The following BRF1 variants were observed in gnomAD, a reference collection of about 807,000 sequenced individuals.
The protein encoded by BRF1 is transcription factor IIIB 90 kDa subunit.
BRF1 carries 59 observed loss-of-function variants against 81.7 expected under a neutral mutation model. The ratio of observed to expected loss-of-function variants is 0.72; its 90% confidence interval spans 0.59 to 0.90. The LOEUF (loss-of-function observed/expected upper bound fraction) is 0.90. BRF1 is among the 40% of genes least tolerant of loss of function. The probability of loss-of-function intolerance (pLI) is 0.00; values close to 1 mark genes in which losing one functional copy is unlikely to be tolerated. For synonymous variants in BRF1, 491 were observed against 395.6 expected, an observed-to-expected ratio of 1.24 and a Z score of -2.86; for missense variants, 1,050 against 936.3, an observed-to-expected ratio of 1.12 and a Z score of -1.58.
chr14:105,241,507 T>C (rs1296900780), intron 5 of BRF1, 93 bp from the exon 6 acceptor site: 6 of 1,531,384 alleles, frequency 3.9e-6, no homozygotes, highest in Non-Finnish European at 5.3e-6. Flanking sequence ...CAACCTGCAC[T>C]TGTCTTTCCA....
At chr14:105,299,770 G>A (rs1451977688) in intron 1 of BRF1, among the ~76,000 whole-genome samples, 4 of 152,230 alleles carry the variant, frequency 2.6e-5, no homozygotes, top group African/African-American at 9.6e-5. Flanking sequence ...TGAAGATGTG[G>A]GGCAACTGGT....
upstream of BRF1, among the ~76,000 whole-genome samples, chr14:105,303,376 T>C (rs1161066195): frequency 2.6e-5 from 4 of 152,204 alleles, no homozygotes; most frequent in African/African-American, 9.7e-5. Context: ...CCCAAGTAGC[T>C]GGGACTACAG....
intron 5 of BRF1, chr14:105,241,778 C>G (rs587672596): frequency 7.1e-6 from 2 of 283,208 alleles, no homozygotes; most frequent in Non-Finnish European, 1.4e-5. Flanking sequence ...ACTCTTAGAG[C>G]AAGACAGGCG....
At position 105,211,292 on chromosome 14, in the gene BRF1, G is replaced by C. The variant is rs587684940; in HGVS notation, c.1826C>G (p.Ala609Gly). Residue 609 changes from alanine to glycine, a missense_variant and splice_region_variant, in exon 17 of 18, where the codon GCT becomes GGT. By Grantham distance (60) the Ala-to-Gly change is moderately conservative (BLOSUM62 0). Around this residue, in one of 2 missense-constraint regions of BRF1, gnomAD observed 1,043 missense variants for 915.4 expected, o/e 1.14. Coordinates refer to ENST00000547530, the MANE Select transcript of BRF1 (RefSeq NM_001519.4). ...QPAKKVATGE[A>G]LLPSSPTLGA... Reference sequence around the variant, plus strand: ...GAGGGTGGGAGAGCTTGGGAGCAAAGCCTGGAACGAAGTGGGGCTCTGACA... The same window carrying C: ...GAGGGTGGGAGAGCTTGGGAGCAAACCCTGGAACGAAGTGGGGCTCTGACA... 19 of 1,592,356 alleles carry C rather than the reference G, an allele frequency of 1.2e-5. No individual in the cohort carries two copies. In the African/African-American group the frequency reaches 2.3e-4, roughly 19 times the overall value.
At chr14:105,229,300 G>C (rs751779487) in intron 6 of BRF1, among the ~76,000 whole-genome samples, 1 of 152,230 alleles carries the variant, frequency 6.6e-6, no homozygotes, top group Non-Finnish European at 1.5e-5. Flanking sequence ...ACAGCTGGCA[G>C]CTGACACAGG....
chr14:105,306,660 C>T (rs587640480), intron 1 of BRF1, among the ~76,000 whole-genome samples: 2 of 152,008 alleles, frequency 1.3e-5, no homozygotes, highest in East Asian at 3.9e-4. Flanking sequence ...GGCTGTAGTG[C>T]AATGGCACGA....
intron 7 of BRF1, 54 bp downstream of exon 7, chr14:105,228,766 C>T: frequency 1.3e-6 from 2 of 1,599,244 alleles, no homozygotes; most frequent in African/African-American, 1.3e-5. Flanking sequence ...CAGGCCTGAG[C>T]TGGACTGATG....
intron 4 of BRF1, chr14:105,256,041 C>T (rs1162405676): frequency 4.7e-6 from 3 of 641,386 alleles, no homozygotes; most frequent in Non-Finnish European, 6.8e-6. Context: ...GGGAGGATTG[C>T]TTGAGCCCAG....
At chr14:105,229,432 C>A (rs144595951) in intron 6 of BRF1, among the ~76,000 whole-genome samples, 4 of 152,204 alleles carry the variant, frequency 2.6e-5, no homozygotes, top group Non-Finnish European at 4.4e-5. Flanking sequence ...CCTGGCCTGC[C>A]GGGTAGAGTG....
At chr14:105,256,070 A>G (rs1201684398) in intron 4 of BRF1, 4 of 907,302 alleles carry the variant, frequency 4.4e-6, no homozygotes, top group Non-Finnish European at 5.9e-6. Flanking sequence ...GGTTGCAGTA[A>G]GCTGAGATCA....
chr14:105,243,816 T>C (rs1473955870), intron 5 of BRF1, among the ~76,000 whole-genome samples: 1 of 151,612 alleles, frequency 6.6e-6, no homozygotes, highest in African/African-American at 2.4e-5. Flanking sequence ...GCCAATATAG[T>C]GAAACCCCAT....
chr14:105,245,123 C>T (rs1034616756), intron 5 of BRF1, among the ~76,000 whole-genome samples: 1 of 152,102 alleles, frequency 6.6e-6, no homozygotes, highest in African/African-American at 2.4e-5. Flanking sequence ...CTTTGGGAGG[C>T]CGAGGCAGGT....
chr14:105,264,666 CAA>C (rs56970432), intron 3 of BRF1, among the ~76,000 whole-genome samples: 885 of 60,706 alleles, frequency 0.015, 8 homozygotes, highest in African/African-American at 0.058. Flanking sequence ...GACTCCATCT[CAA>C]AAAAAAAAAA....
In BRF1 at chr14:105,228,985, A is replaced by G. The variant is rs954257069; in HGVS notation, c.695-72T>C. On this transcript the variant is annotated intron_variant, in intron 6 of 17. Transcript: ENST00000547530. ...GGCAACATCTGTGGCGGCCCAGGAC[A>G]ACACTGCGGATCCCGGTCACGGAGA... 7 of 1,357,094 alleles carry G rather than the reference A, an allele frequency of 5.2e-6. No homozygotes were observed. The East Asian group carries it at 1.1e-4, about 22-fold the overall frequency. 84.1% of individuals were successfully genotyped at this position (1,357,094 alleles called of 1,614,324 possible).
rs1388077133 is a variant in BRF1, at chr14:105,215,540, GAC to G, written c.1772+2002_1772+2003del. Among the ~76,000 whole-genome samples the G allele has an allele frequency of 9.3e-5, 14 of 151,060 alleles. 1 individual carries two copies. Among genetic ancestry groups the G allele is most frequent in the African/African-American group, 3.4e-4 (14 of 41,026 alleles). On this transcript the variant is annotated intron_variant, in intron 15 of 17. Transcript: ENST00000547530. Reference sequence around the variant, plus strand: ...TGTGTGCATACGCACTGCATGCACAGACACAGGCACACACACATGCACACATA... The same window carrying G: ...TGTGTGCATACGCACTGCATGCACAGACAGGCACACACACATGCACACATA...
chr14:105,220,033 G>T (rs1320649636), intron 12 of BRF1, 36 bp downstream of exon 12: 2 of 1,607,734 alleles, frequency 1.2e-6, no homozygotes, highest in Admixed American at 1.7e-5. Context: ...GCCCTCCCAA[G>T]CCCAGCCCCT....
At chr14:105,249,501 G>T in intron 5 of BRF1, 1 of 1,594,406 alleles carries the variant, frequency 6.3e-7, no homozygotes, top group South Asian at 1.1e-5. Flanking sequence ...TACTGGGGAG[G>T]GACGGGTGGG....
At position 105,307,257 on chromosome 14, in the gene BRF1, C is replaced by G. The variant is rs997010902; in HGVS notation, c.-162+8065G>C. 7.2e-5 allele frequency among the ~76,000 whole-genome samples: 11 copies of G among 152,176 alleles called. 1 individual carries two copies. Among genetic ancestry groups the G allele is most frequent in the South Asian group, 6.2e-4 (3 of 4,826 alleles). ...CAACCATCATGAGTCCCACCTGCCT[C>G]CTTTCATCAGGCTCCTGCATTCCTG... On this transcript the variant is annotated intron_variant, in intron 1 of 17. Transcript: ENST00000327359.
intron 5 of BRF1, chr14:105,246,935 G>A (rs1265881192): frequency 1.0e-6 from 1 of 985,306 alleles, no homozygotes; most frequent in Non-Finnish European, 1.2e-6. Flanking sequence ...GTGTGCTGCT[G>A]TAAGTTATTC....
Sources: gnomAD v4.1 joint callset for allele counts (sites outside exome capture counted in the v4.1 genomes callset) on GRCh38, gnomAD v4.1.1 for gene constraint, gnomAD v4.1.1 regional missense constraint, MANE v1.5 for transcripts, NCBI Gene and HGNC (gene_info 2026-07-23, HGNC 2026-07-21) for gene names.